Variants in CNTN5 observed in about 807,000 individuals in gnomAD.
The protein encoded by CNTN5 is contactin-5.
A neutral mutation model predicts 129.1 loss-of-function variants in CNTN5; 77 were observed. The ratio of observed to expected loss-of-function variants is 0.60; its 90% confidence interval spans 0.50 to 0.72. The LOEUF (loss-of-function observed/expected upper bound fraction) is 0.72, where lower values mean the gene tolerates loss of function less well. CNTN5 is among the 30% of genes least tolerant of loss of function. The pLI is 0.00. For missense variants in CNTN5, 1,478 were observed against 1,328.8 expected, an observed-to-expected ratio of 1.11 and a Z score of -1.75; for synonymous variants, 509 against 465.6, an observed-to-expected ratio of 1.09 and a Z score of -1.20.
intron 2 of CNTN5, among the ~76,000 whole-genome samples, chr11:99,509,442 T>C (rs1946751252): frequency 6.6e-6 from 1 of 152,186 alleles, no homozygotes; most frequent in Non-Finnish European, 1.5e-5. Context: ...ATAGAAATGG[T>C]GAATTCTTCT....
intron 10 of CNTN5, among the ~76,000 whole-genome samples, chr11:100,066,063 C>T (rs557831196): frequency 1.2e-4 from 19 of 152,058 alleles, no homozygotes; most frequent in African/African-American, 3.4e-4. Context: ...GAAAGTGATG[C>T]CATATGTATA....
At chr11:99,925,128 C>G (rs1320971859) in intron 7 of CNTN5, among the ~76,000 whole-genome samples, 5 of 152,154 alleles carry the variant, frequency 3.3e-5, no homozygotes, top group Non-Finnish European at 1.5e-5. Flanking sequence ...AGTTTCTCTA[C>G]TATCACTCCT....
intron 1 of CNTN5, among the ~76,000 whole-genome samples, chr11:99,031,424 T>G (rs1243836805): frequency 6.6e-6 from 1 of 152,072 alleles, no homozygotes; most frequent in African/African-American, 2.4e-5. Flanking sequence ...TATAATATAG[T>G]AGAAAGAAAT....
intron 1 of CNTN5, among the ~76,000 whole-genome samples, chr11:99,142,373 T>C (rs889857388): frequency 6.6e-6 from 1 of 152,088 alleles, no homozygotes; most frequent in Non-Finnish European, 1.5e-5. Flanking sequence ...GGTGAGTGCA[T>C]GCCGGCAAAG....
chr11:100,327,456 A>G (rs1951812667), intron 21 of CNTN5, among the ~76,000 whole-genome samples: 2 of 152,108 alleles, frequency 1.3e-5, no homozygotes, highest in South Asian at 2.1e-4. Context: ...TCAGCCTTCA[A>G]TGTAACTGTC....
intron 6 of CNTN5, among the ~76,000 whole-genome samples, chr11:99,862,965 G>A (rs1948254056): frequency 6.6e-6 from 1 of 151,958 alleles, no homozygotes; most frequent in Admixed American, 6.6e-5. Flanking sequence ...GTTGAGAGGT[G>A]GCTTTGATTA....
intron 2 of CNTN5, among the ~76,000 whole-genome samples, chr11:99,326,745 T>A (rs184516592): frequency 2.3e-3 from 348 of 152,030 alleles, no homozygotes; most frequent in African/African-American, 8.0e-3. Context: ...AAGAAAAAAA[T>A]TTAAAGACAA....
chr11:99,648,634 C>G (rs1368014399), intron 3 of CNTN5, among the ~76,000 whole-genome samples: 1 of 151,802 alleles, frequency 6.6e-6, no homozygotes, highest in Non-Finnish European at 1.5e-5. Flanking sequence ...CAGCACTATT[C>G]ACAATAGCCA....
At chr11:99,219,590 A>G (rs1234675455) in intron 1 of CNTN5, among the ~76,000 whole-genome samples, 2 of 151,662 alleles carry the variant, frequency 1.3e-5, no homozygotes, top group Non-Finnish European at 2.9e-5. Context: ...TTTAGAGGTG[A>G]TGGAGAGCCA....
At chr11:99,918,475 G>T (rs1328579247) in intron 7 of CNTN5, among the ~76,000 whole-genome samples, 1 of 151,896 alleles carries the variant, frequency 6.6e-6, no homozygotes, top group Non-Finnish European at 1.5e-5. Flanking sequence ...CTATACTTTT[G>T]TCAAATGTTT....
chr11:100,077,580 G>T (rs12273983), intron 13 of CNTN5, among the ~76,000 whole-genome samples: 30 of 151,934 alleles, frequency 2.0e-4, no homozygotes, highest in African/African-American at 7.0e-4. Context: ...CAGCACTTTG[G>T]GGGGCCAAGA....
intron 1 of CNTN5, among the ~76,000 whole-genome samples, chr11:99,124,379 G>A (rs1359212995): frequency 6.6e-6 from 1 of 152,008 alleles, no homozygotes; most frequent in Non-Finnish European, 1.5e-5. Context: ...CGTCGATTTT[G>A]TATCCCAAAA....
At chr11:99,038,854 A>T (rs1300217744) in intron 1 of CNTN5, among the ~76,000 whole-genome samples, 2 of 151,976 alleles carry the variant, frequency 1.3e-5, no homozygotes, top group African/African-American at 4.8e-5. Context: ...AAGATGTATT[A>T]TACATTATAT....
intron 3 of CNTN5, among the ~76,000 whole-genome samples, chr11:99,651,449 A>G (rs1026372455): frequency 1.3e-5 from 2 of 152,004 alleles, no homozygotes; most frequent in African/African-American, 2.4e-5. Context: ...TGGGTAGGCA[A>G]TTTGATCCAA....
intron 15 of CNTN5, among the ~76,000 whole-genome samples, chr11:100,194,768 A>G (rs1161059228): frequency 6.6e-6 from 1 of 152,016 alleles, no homozygotes; most frequent in Admixed American, 6.6e-5. Context: ...TTTCTAAGAT[A>G]GCTTCTCACC....
chr11:99,896,303 C>T (rs1301275628), intron 6 of CNTN5, among the ~76,000 whole-genome samples: 7 of 152,190 alleles, frequency 4.6e-5, no homozygotes, highest in African/African-American at 7.2e-5. Flanking sequence ...CTGATCACTG[C>T]GGTCATGGCT....
intron 3 of CNTN5, among the ~76,000 whole-genome samples, chr11:99,582,322 A>C (rs1332459827): frequency 2.0e-5 from 3 of 152,092 alleles, no homozygotes; most frequent in African/African-American, 4.8e-5. Flanking sequence ...GCTCTTCTCG[A>C]GGAGTATCTT....
intron 6 of CNTN5, among the ~76,000 whole-genome samples, chr11:99,895,881 T>A (rs1449388446): frequency 6.6e-6 from 1 of 152,116 alleles, no homozygotes; most frequent in East Asian, 1.9e-4. Context: ...CATTTTTCCG[T>A]GTCCCTAGAA....
At chr11:99,858,331 A>T (rs1390500778) in intron 6 of CNTN5, among the ~76,000 whole-genome samples, 1 of 152,132 alleles carries the variant, frequency 6.6e-6, no homozygotes, top group Non-Finnish European at 1.5e-5. Flanking sequence ...AAGAAATCAC[A>T]ACCATTACAG....
Sources: allele counts gnomAD v4.1 joint callset (sites outside exome capture counted in the v4.1 genomes callset), GRCh38; gene constraint gnomAD v4.1.1; transcripts MANE v1.5; gene names NCBI Gene and HGNC (gene_info 2026-07-23, HGNC 2026-07-21).